NANOGP8: variants seen among roughly 807,000 people sequenced by gnomAD.
The protein encoded by NANOGP8 is homeobox protein NANOGP8.
For synonymous variants in NANOGP8, 84 were observed against 125.9 expected (o/e 0.67, Z 2.23); for missense variants, 220 against 353.4 (o/e 0.62, Z 3.03).
chr15:35,084,775 A>G lies in NANOGP8; in HGVS notation c.336T>C (p.Asp112=), dbSNP rs866369406. 3.2e-5 allele frequency: 52 copies of G among 1,613,892 alleles called. 1 individual carries two copies. The Middle Eastern group carries it at 3.3e-3, about 102-fold the overall frequency. The change falls in exon 1 of 1, where the codon GAT becomes GAC. Residue 112 remains aspartate, a synonymous_variant. Transcript: ENST00000528386. ...TGAGGTATTTCTGTCTCTGAAATCTATCATTGAGTACACACAGCTGGGTGG... is the reference window on the plus strand; with the variant it reads ...TGAGGTATTTCTGTCTCTGAAATCTGTCATTGAGTACACACAGCTGGGTGG... ...FSSTQLCVLN[D]RFQRQKYLSL... is the part of the protein sequence containing the mutation.
chr15:35,084,338 G>C lies in NANOGP8; in HGVS notation c.773C>G (p.Ser258Cys), dbSNP rs2050905868. ...GGCAGCCTCCAAGTCACTGGCAGGA[G>C]AATTTGGCTGGAAGTGCATGCAGGA... ...LQSCMHFQPN[S>C]PASDLEAALE... is the part of the protein sequence containing the mutation. The change falls in exon 1 of 1, where the codon TCT becomes TGT. Residue 258 changes from serine (S) to cysteine (C), a missense_variant. Coordinates refer to ENST00000528386, the MANE Select transcript of NANOGP8 (RefSeq NM_001355281.2). The C allele has an allele frequency of 2.5e-6, 4 of 1,609,488 alleles. No homozygotes were observed. Among genetic ancestry groups the C allele is most frequent in the Non-Finnish European group, 3.4e-6 (4 of 1,179,754 alleles).
chr15:35,083,519 T>C lies in NANOGP8; in HGVS notation c.*674A>G, dbSNP rs1416780728. Among the ~76,000 whole-genome samples, 1 of 151,976 alleles carries C rather than the reference T, an allele frequency of 6.6e-6. No homozygotes were observed. Among genetic ancestry groups the C allele is most frequent in the Non-Finnish European group, 1.5e-5 (1 of 68,022 alleles). Reference sequence around the variant, plus strand: ...AGCAAAGCCTCCCAATCCCAAACAATACGAATACATCTTCATCACCAATTT... The same window carrying C: ...AGCAAAGCCTCCCAATCCCAAACAACACGAATACATCTTCATCACCAATTT... On this transcript the variant is annotated 3_prime_UTR_variant, in exon 1 of 1. Transcript: ENST00000528386.
rs2050907833 is a variant in NANOGP8, at chr15:35,084,635, G to A, written c.476C>T (p.Pro159Leu). 26 of 1,613,832 alleles carry A rather than the reference G, an allele frequency of 1.6e-5. No homozygotes were observed. The highest frequency in any genetic ancestry group is 6.7e-5 in the East Asian group (3 of 44,896). ...KSKRWQKNNW[P>L]KNSNGVTQKA... Reference sequence around the variant, plus strand: ...CTGCGTCACACCATTGCTATTCTTCGGCCAGTTGTTTTTCTGCCACCTCTT... The same window carrying A: ...CTGCGTCACACCATTGCTATTCTTCAGCCAGTTGTTTTTCTGCCACCTCTT... The change falls in exon 1 of 1, where the codon CCG becomes CTG. Residue 159 changes from proline to leucine, a missense_variant. Physicochemically the swap from Pro to Leu is moderately conservative, Grantham distance 98. Coordinates refer to ENST00000528386, the MANE Select transcript of NANOGP8 (RefSeq NM_001355281.2).
In NANOGP8 at chr15:35,084,856, T is replaced by G. The variant is rs1005058322; in HGVS notation, c.255A>C (p.Ala85=). The G allele has an allele frequency of 2.5e-6, 4 of 1,613,990 alleles. No individual in the cohort carries two copies. Among genetic ancestry groups the G allele is most frequent in the Non-Finnish European group, 3.4e-6 (4 of 1,179,880 alleles). The change falls in exon 1 of 1, where the codon GCA becomes GCC. Residue 85 remains alanine (A), a synonymous_variant. Coordinates refer to ENST00000528386, the MANE Select transcript of NANOGP8 (RefSeq NM_001355281.2). ...KQPTSAENSV[A]KKEDKVPVKK... ...TGACCGGGACCTTGTCTTCCTTTTTTGCGACACTATTCTCTGCAGAAGTGG... is the reference window on the plus strand; with the variant it reads ...TGACCGGGACCTTGTCTTCCTTTTTGGCGACACTATTCTCTGCAGAAGTGG...
Position 35,084,991 on chromosome 15 carries a change from C to T in NANOGP8, c.120G>A (p.Met40Ile). 1 of 1,609,716 alleles carries T rather than the reference C, an allele frequency of 6.2e-7. No individual in the cohort carries two copies. Among genetic ancestry groups the T allele is most frequent in the Non-Finnish European group, 8.5e-7 (1 of 1,177,704 alleles). Residue 40 changes from methionine to isoleucine, a missense_variant, in exon 1 of 1, where the codon ATG (methionine) becomes ATA (isoleucine). Met to Ile is a conservative substitution (Grantham distance 10). Transcript: ENST00000528386. ...GPEENYPSLQMSSAEMPHTET... is the reference protein window; with the variant it reads ...GPEENYPSLQISSAEMPHTET... Reference sequence around the variant, plus strand: ...CTGTGTGAGGCATCTCAGCAGAAGACATTTGCAAGGATGGATAGTTTTCTT... The same window carrying T: ...CTGTGTGAGGCATCTCAGCAGAAGATATTTGCAAGGATGGATAGTTTTCTT...
chr15:35,084,611 T>A lies in NANOGP8; in HGVS notation c.500A>T (p.Gln167Leu). ...GGGGTAGGTAGGTGCTGAGGCCTTC[T>A]GCGTCACACCATTGCTATTCTTCGG... ...NWPKNSNGVT[Q>L]KASAPTYPSL... Residue 167 changes from glutamine (Q) to leucine (L), a missense_variant, in exon 1 of 1, where the codon CAG becomes CTG. Transcript: ENST00000528386. The A allele has an allele frequency of 6.2e-7, 1 of 1,614,020 alleles. No individual in the cohort carries two copies. The highest frequency in any genetic ancestry group is 8.5e-7 in the Non-Finnish European group (1 of 1,179,876).
In NANOGP8 at chr15:35,084,943, G is replaced by A. The variant is rs548081132; in HGVS notation, c.168C>T (p.Ser56=). 1.4e-5 allele frequency: 23 copies of A among 1,611,556 alleles called. No homozygotes were observed. In the East Asian group the frequency reaches 4.0e-4, roughly 28 times the overall value. The change falls in exon 1 of 1, where the codon TCC becomes TCT. Residue 56 remains serine (S), a synonymous_variant. Transcript: ENST00000528386. Reference sequence around the variant, plus strand: ...TGTCCTGAATAAGCAGATCCATGGAGGAAGGAAGAGGAGAGACAGTCTCTG... The same window carrying A: ...TGTCCTGAATAAGCAGATCCATGGAAGAAGGAAGAGGAGAGACAGTCTCTG... ...PHTETVSPLP[S]SMDLLIQDSP...
rs1279426879 is a variant in NANOGP8 at position 35,084,755 on chromosome 15, T to A, written c.356A>T (p.Tyr119Phe). 1.9e-6 allele frequency: 3 copies of A among 1,614,006 alleles called. No individual in the cohort carries two copies. In the African/African-American group the frequency reaches 4.0e-5, roughly 22 times the overall value. ...VLNDRFQRQK[Y>F]LSLQQMQELS... ...TTCTTGCATCTGCTGGAGGCTGAGG[T>A]ATTTCTGTCTCTGAAATCTATCATT... The change falls in exon 1 of 1, where the codon TAC becomes TTC. Residue 119 changes from tyrosine (Y) to phenylalanine (F), a missense_variant. Transcript: ENST00000528386.
rs568786550 is a variant in NANOGP8 at position 35,084,282 on chromosome 15, T to A, written c.829A>T (p.Ile277Leu). ...CTAAAATACCTAGTGGTCTGCTGTA[T>A]TACATTAAGGCCTTCCCCAGCAGCT... ...LEAAGEGLNV[I>L]QQTTRYFSTP... The change falls in exon 1 of 1, where the codon ATA (isoleucine) becomes TTA (leucine). Residue 277 changes from isoleucine (I) to leucine (L), a missense_variant. By Grantham distance (5) the Ile-to-Leu change is conservative. Transcript: ENST00000528386. The A allele has an allele frequency of 4.7e-5, 71 of 1,495,926 alleles. No individual in the cohort carries two copies. In the East Asian group the frequency reaches 1.4e-3, roughly 30 times the overall value. The allele number at this position is 1,495,926 out of a possible 1,614,324, so 92.7% of individuals were successfully genotyped here. A position where few individuals can be genotyped will look rare whatever the true frequency, so the allele number is the denominator to read the frequency against.
rs532014249 is a variant in NANOGP8, at chr15:35,083,708, A to G, written c.*485T>C. Reference sequence around the variant, plus strand: ...CGCCTGTAAATCCCAGCTGTTAGGGAGGCCGAGGCGGGCGGATCACAAGGT... The same window carrying G: ...CGCCTGTAAATCCCAGCTGTTAGGGGGGCCGAGGCGGGCGGATCACAAGGT... On this transcript the variant is annotated 3_prime_UTR_variant, in exon 1 of 1. Transcript: ENST00000528386. Among the ~76,000 whole-genome samples the G allele has an allele frequency of 1.3e-5, 2 of 152,168 alleles. No individual in the cohort carries two copies. The highest frequency in any genetic ancestry group is 1.9e-4 in the East Asian group (1 of 5,132).
chr15:35,084,593 G>A lies in NANOGP8; in HGVS notation c.518C>T (p.Thr173Ile). 2.5e-6 allele frequency: 4 copies of A among 1,613,942 alleles called. No homozygotes were observed. Among genetic ancestry groups the A allele is most frequent in the South Asian group, 1.1e-5 (1 of 91,062 alleles). Residue 173 changes from threonine to isoleucine, a missense_variant, in exon 1 of 1, where the codon ACC (threonine) becomes ATC (isoleucine). Thr to Ile is a moderately conservative substitution (Grantham distance 89). Coordinates refer to ENST00000528386, the MANE Select transcript of NANOGP8 (RefSeq NM_001355281.2). ...GTAGGAAGAGTAGAGGCTGGGGTAGGTAGGTGCTGAGGCCTTCTGCGTCAC... is the reference window on the plus strand; with the variant it reads ...GTAGGAAGAGTAGAGGCTGGGGTAGATAGGTGCTGAGGCCTTCTGCGTCAC... ...NGVTQKASAP[T>I]YPSLYSSYHQ...
In NANOGP8 at chr15:35,084,675, G is replaced by C; in HGVS notation, c.436C>G (p.Gln146Glu). ...YKQVKTWFQN[Q>E]RMKSKRWQKN... ...TGCCACCTCTTAGATTTCATTCTCT[G>C]GTTCTGGAACCAGGTCTTCACCTGT... The change falls in exon 1 of 1, where the codon CAG becomes GAG. Residue 146 changes from glutamine (Q) to glutamate (E), a missense_variant. Physicochemically the swap from Gln to Glu is conservative, Grantham distance 29. Coordinates refer to ENST00000528386, the MANE Select transcript of NANOGP8 (RefSeq NM_001355281.2). The C allele has an allele frequency of 6.2e-7, 1 of 1,614,096 alleles. No homozygotes were observed. Among genetic ancestry groups the C allele is most frequent in the Admixed American group, 1.7e-5 (1 of 60,026 alleles).
rs2050909389 is a variant in NANOGP8, at chr15:35,084,973, A to C, written c.138T>G (p.Pro46=). The C allele has an allele frequency of 1.9e-6, 3 of 1,610,916 alleles. No individual in the cohort carries two copies. Among genetic ancestry groups the C allele is most frequent in the Non-Finnish European group, 2.5e-6 (3 of 1,178,738 alleles). ...GAAGAGGAGAGACAGTCTCTGTGTG[A>C]GGCATCTCAGCAGAAGACATTTGCA... ...PSLQMSSAEM[P]HTETVSPLPS... is the part of the protein sequence containing the mutation. Residue 46 remains proline (P), a synonymous_variant, in exon 1 of 1, where the codon CCT becomes CCG. Transcript: ENST00000528386.
At position 35,084,704 on chromosome 15, in the gene NANOGP8, T is replaced by C. The variant is rs2078263078; in HGVS notation, c.407A>G (p.Tyr136Cys). The C allele has an allele frequency of 1.4e-5, 23 of 1,614,048 alleles. No homozygotes were observed. In the South Asian group the frequency reaches 2.4e-4, roughly 17 times the overall value. ...CTGGAACCAGGTCTTCACCTGTTTG[T>C]AGCTGAGGTTCAGGATGTTGGAGAG... ...QELSNILNLS[Y>C]KQVKTWFQNQ... The change falls in exon 1 of 1, where the codon TAC (tyrosine) becomes TGC (cysteine). Residue 136 changes from tyrosine to cysteine, a missense_variant. Coordinates refer to ENST00000528386, the MANE Select transcript of NANOGP8 (RefSeq NM_001355281.2).
chr15:35,085,258 C>T lies in NANOGP8; in HGVS notation c.-148G>A. 1 of 618,974 alleles carries T rather than the reference C, an allele frequency of 1.6e-6. No homozygotes were observed. The highest frequency in any genetic ancestry group is 2.9e-5 in the Admixed American group (1 of 34,638). 38.3% of individuals were successfully genotyped at this position (618,974 alleles called of 1,614,324 possible). ...AAATTGGGATAAAGTGAGTTGCCTG[C>T]ATAATAACATGAGGCAACCAGCTCA... On this transcript the variant is annotated 5_prime_UTR_variant, in exon 1 of 1. The change abolishes an upstream ATG in the 5' untranslated region. Transcript: ENST00000528386.
In NANOGP8 at chr15:35,084,628, A is replaced by G. The variant is rs1336839117; in HGVS notation, c.483T>C (p.Asn161=). ...AGGCCTTCTGCGTCACACCATTGCTATTCTTCGGCCAGTTGTTTTTCTGCC... is the reference window on the plus strand; with the variant it reads ...AGGCCTTCTGCGTCACACCATTGCTGTTCTTCGGCCAGTTGTTTTTCTGCC... ...KRWQKNNWPK[N]SNGVTQKASA... The change falls in exon 1 of 1, where the codon AAT becomes AAC. Residue 161 remains asparagine (N), a synonymous_variant. Transcript: ENST00000528386. 4 of 1,613,818 alleles carry G rather than the reference A, an allele frequency of 2.5e-6. No individual in the cohort carries two copies. Among genetic ancestry groups the G allele is most frequent in the Non-Finnish European group, 3.4e-6 (4 of 1,179,888 alleles).
Position 35,084,301 on chromosome 15 carries a change from A to T in NANOGP8, c.810T>A (p.Ala270=). The change falls in exon 1 of 1, where the codon GCT becomes GCA. Residue 270 remains alanine (A), a synonymous_variant. Coordinates refer to ENST00000528386, the MANE Select transcript of NANOGP8 (RefSeq NM_001355281.2). ...ASDLEAALEA[A]GEGLNVIQQT... Reference sequence around the variant, plus strand: ...GCTGTATTACATTAAGGCCTTCCCCAGCAGCTTCCAAGGCAGCCTCCAAGT... The same window carrying T: ...GCTGTATTACATTAAGGCCTTCCCCTGCAGCTTCCAAGGCAGCCTCCAAGT... The T allele has an allele frequency of 6.2e-7, 1 of 1,603,454 alleles. No individual in the cohort carries two copies. Among genetic ancestry groups the T allele is most frequent in the East Asian group, 2.2e-5 (1 of 44,786 alleles).
rs1192996486 is a variant in NANOGP8 at position 35,085,205 on chromosome 15, T to C, written c.-95A>G. 8.7e-6 allele frequency: 6 copies of C among 687,326 alleles called. No individual in the cohort carries two copies. Among genetic ancestry groups the C allele is most frequent in the Admixed American group, 8.2e-5 (3 of 36,674 alleles). 42.6% of individuals were successfully genotyped at this position (687,326 alleles called of 1,614,324 possible). ...ACTTTTCTGGAAGATGTTAGAGAAA[T>C]AGGACCTCCAGAAGGAAAAGTATCA... On this transcript the variant is annotated 5_prime_UTR_variant, in exon 1 of 1. Transcript: ENST00000528386.
In NANOGP8 at chr15:35,084,606, C is replaced by G. The variant is rs1232931386; in HGVS notation, c.505G>C (p.Ala169Pro). The G allele has an allele frequency of 1.2e-6, 2 of 1,613,938 alleles. No homozygotes were observed. Among genetic ancestry groups the G allele is most frequent in the Non-Finnish European group, 1.7e-6 (2 of 1,179,870 alleles). ...PKNSNGVTQK[A>P]SAPTYPSLYS... ...AGGCTGGGGTAGGTAGGTGCTGAGG[C>G]CTTCTGCGTCACACCATTGCTATTC... The change falls in exon 1 of 1, where the codon GCC becomes CCC. Residue 169 changes from alanine to proline, a missense_variant. By Grantham distance (27) the Ala-to-Pro change is conservative. Coordinates refer to ENST00000528386, the MANE Select transcript of NANOGP8 (RefSeq NM_001355281.2).
Sources: allele counts gnomAD v4.1 joint callset (sites outside exome capture counted in the v4.1 genomes callset), GRCh38; gene constraint gnomAD v4.1.1; transcripts MANE v1.5; gene names NCBI Gene and HGNC (gene_info 2026-07-23, HGNC 2026-07-21).